The following CAPN5 variants were observed in gnomAD, a reference collection of about 807,000 sequenced individuals.
The protein encoded by CAPN5 is calpain-5.
CAPN5 carries 54 observed loss-of-function variants against 73.0 expected under a neutral mutation model. The observed-to-expected ratio is 0.74, with a 90% CI of 0.59 to 0.93. CAPN5 has a LOEUF of 0.93. Among genes scored for constraint, CAPN5 ranks in the 40% least tolerant of loss-of-function variants. The pLI is 0.00. For missense variants in CAPN5, 785 were observed against 882.9 expected (o/e 0.89, Z 1.41); for synonymous variants, 335 against 356.9 (o/e 0.94, Z 0.69).
Position 77,123,930 on chromosome 11 carries a change from C to T in CAPN5, c.*60C>T, listed in dbSNP as rs1205368041. ...CCACCATCTGCATGTCCCCACTGGG[C>T]CTGAGTCTAGCCTGGGAGCCAGGAT... is the stretch of plus-strand genomic sequence containing the variant. On this transcript the variant is annotated 3_prime_UTR_variant, in exon 13 of 13. Transcript: ENST00000648180. 1 of 1,524,908 alleles carries T rather than the reference C, an allele frequency of 6.6e-7. No individual in the cohort carries two copies. Among genetic ancestry groups the T allele is most frequent in the South Asian group, 1.2e-5 (1 of 83,940 alleles). 94.5% of individuals were successfully genotyped at this position (1,524,908 alleles called of 1,614,324 possible).
intron 10 of CAPN5, among the ~76,000 whole-genome samples, chr11:77,121,458 G>A (rs377727493): frequency 6.6e-6 from 1 of 152,274 alleles, no homozygotes; most frequent in East Asian, 1.9e-4. Flanking sequence ...CTGAAGGACA[G>A]GTGAGCTCTG....
chr11:77,096,527 C>T (rs1211615031), intron 3 of CAPN5, among the ~76,000 whole-genome samples: 3 of 152,226 alleles, frequency 2.0e-5, no homozygotes, highest in Admixed American at 1.3e-4. Flanking sequence ...GGCCTCCTGC[C>T]CTGCTCCTAC....
chr11:77,081,110 C>A (rs1440233835), intron 1 of CAPN5, among the ~76,000 whole-genome samples: 2 of 152,198 alleles, frequency 1.3e-5, no homozygotes, highest in Admixed American at 6.5e-5. Flanking sequence ...TAGATGGGAA[C>A]ATCAATGAGC....
rs1555043717 is a variant in CAPN5 at position 77,125,503 on chromosome 11, C to G, written c.*1633C>G. ...TAAACCTCCTGTGCCTCGATTTCCCCCTTCTACAAAGTGGGGCCAATGATT... is the reference window on the plus strand; with the variant it reads ...TAAACCTCCTGTGCCTCGATTTCCCGCTTCTACAAAGTGGGGCCAATGATT... On this transcript the variant is annotated 3_prime_UTR_variant, in exon 13 of 13. Coordinates refer to ENST00000648180, the MANE Select transcript of CAPN5 (RefSeq NM_004055.5). The G allele has an allele frequency of 6.6e-6, 1 of 152,186 alleles. No homozygotes were observed. The highest frequency in any genetic ancestry group is 2.4e-5 in the African/African-American group (1 of 41,398). The allele number at this position is 152,186 out of a possible 1,614,324, so 9.4% of individuals were successfully genotyped here.
Position 77,073,445 on chromosome 11 carries a change from C to T in CAPN5, c.-36+6351C>T, listed in dbSNP as rs575679182. On this transcript the variant is annotated intron_variant, in intron 1 of 12. Coordinates refer to ENST00000648180, the MANE Select transcript of CAPN5 (RefSeq NM_004055.5). ...TCCCTCCTGCTCACAGCACCCTGGG[C>T]GGGACCCAATTGCCAGATGAAGAAC... 9.8e-5 allele frequency among the ~76,000 whole-genome samples: 15 copies of T among 152,312 alleles called. No individual in the cohort carries two copies. The East Asian group carries it at 2.1e-3, about 22-fold the overall frequency.
intron 3 of CAPN5, among the ~76,000 whole-genome samples, chr11:77,107,691 G>C (rs78972769): frequency 6.6e-6 from 1 of 152,204 alleles, no homozygotes; most frequent in East Asian, 1.9e-4. Flanking sequence ...GTGGGTGGCC[G>C]TTGGTGGATC....
chr11:77,096,875 T>C (rs1555037538), intron 3 of CAPN5, among the ~76,000 whole-genome samples: 1 of 152,086 alleles, frequency 6.6e-6, no homozygotes, highest in African/African-American at 2.4e-5. Flanking sequence ...GGAGGGAGTG[T>C]TGGGGTGAGC....
rs782170160 is a variant in CAPN5 at position 77,123,676 on chromosome 11, G to C, written c.1741-12G>C. 3 of 1,610,436 alleles carry C rather than the reference G, an allele frequency of 1.9e-6. No homozygotes were observed. The highest frequency in any genetic ancestry group is 1.3e-5 in the African/African-American group (1 of 74,804). Reference sequence around the variant, plus strand: ...TAGCCCGCCCCTCCCATGATCCTCTGTCTCTTCCCAGGTCTGGAACCACCG... The same window carrying C: ...TAGCCCGCCCCTCCCATGATCCTCTCTCTCTTCCCAGGTCTGGAACCACCG... On this transcript the variant is annotated splice_polypyrimidine_tract_variant and intron_variant, in intron 12 of 12. Coordinates refer to ENST00000648180, the MANE Select transcript of CAPN5 (RefSeq NM_004055.5).
rs1393483025 is a variant in CAPN5 at position 77,101,534 on chromosome 11, G to A, written c.297+7721G>A. Among the ~76,000 whole-genome samples, 3 of 152,176 alleles carry A rather than the reference G, an allele frequency of 2.0e-5. No individual in the cohort carries two copies. In the East Asian group the frequency reaches 5.8e-4, roughly 29 times the overall value. On this transcript the variant is annotated intron_variant, in intron 3 of 12. Transcript: ENST00000648180. Reference sequence around the variant, plus strand: ...CAGAACTGACCCCAGGGCTTGCAGTGTGGTTTTAACAGGACCGGGTATTCT... The same window carrying A: ...CAGAACTGACCCCAGGGCTTGCAGTATGGTTTTAACAGGACCGGGTATTCT...
intron 6 of CAPN5, 100 bp from the exon 7 acceptor site, chr11:77,116,126 G>A (rs1319285073): frequency 1.0e-5 from 11 of 1,101,780 alleles, no homozygotes; most frequent in Non-Finnish European, 1.5e-5. Context: ...GAGGCCTGGT[G>A]CAAGACTGCC....
intron 1 of CAPN5, among the ~76,000 whole-genome samples, chr11:77,067,835 C>T (rs563451835): frequency 2.0e-5 from 3 of 152,114 alleles, no homozygotes; most frequent in African/African-American, 7.2e-5. Context: ...TTCTCTCTCC[C>T]AGTCATTTCA....
chr11:77,091,124 C>T (rs1319289380), intron 2 of CAPN5, among the ~76,000 whole-genome samples: 1 of 152,190 alleles, frequency 6.6e-6, no homozygotes, highest in Non-Finnish European at 1.5e-5. Context: ...TCTGGTTCTT[C>T]CGGGCAGAGG....
intron 8 of CAPN5, 22 bp from the exon 9 acceptor site, chr11:77,119,008 C>T (rs1555042227): frequency 8.7e-6 from 14 of 1,600,570 alleles, no homozygotes; most frequent in Non-Finnish European, 1.2e-5. Context: ...GTGTCTCTCT[C>T]TCTCCTTGGC....
intron 1 of CAPN5, among the ~76,000 whole-genome samples, chr11:77,082,164 G>C (rs1950034363): frequency 6.6e-6 from 1 of 152,088 alleles, no homozygotes; most frequent in African/African-American, 2.4e-5. Context: ...CAGAGGCCCT[G>C]AGGGAACAGT....
Position 77,122,055 on chromosome 11 carries a change from C to T in CAPN5, c.1603+6C>T. 2.6e-6 allele frequency: 4 copies of T among 1,524,178 alleles called. No homozygotes were observed. The highest frequency in any genetic ancestry group is 3.5e-6 in the Non-Finnish European group (4 of 1,127,658). 94.4% of individuals were successfully genotyped at this position (1,524,178 alleles called of 1,614,324 possible). ...CCTCAAGGACTCCCCAACAGGTGAG[C>T]TCTCCCAGGGAGAGTCCCCCGGCCC... On this transcript the variant is annotated splice_donor_region_variant and intron_variant, in intron 11 of 12. Coordinates refer to ENST00000648180, the MANE Select transcript of CAPN5 (RefSeq NM_004055.5).
At chr11:77,069,297 T>C (rs973948975) in intron 1 of CAPN5, among the ~76,000 whole-genome samples, 1 of 152,176 alleles carries the variant, frequency 6.6e-6, no homozygotes, top group Admixed American at 6.5e-5. Flanking sequence ...TCTAAGTACA[T>C]GGTGTCTGGT....
At chr11:77,067,948 C>G (rs1308096283) in intron 1 of CAPN5, among the ~76,000 whole-genome samples, 1 of 151,986 alleles carries the variant, frequency 6.6e-6, no homozygotes, top group African/African-American at 2.4e-5. Context: ...AATTTGAACC[C>G]GGGTCCGCCT....
intron 12 of CAPN5, among the ~76,000 whole-genome samples, chr11:77,122,914 T>G (rs1950537858): frequency 6.6e-6 from 1 of 152,192 alleles, no homozygotes; most frequent in Non-Finnish European, 1.5e-5. Context: ...TGAATTGGAT[T>G]AGTTGGTGTG....
intron 3 of CAPN5, among the ~76,000 whole-genome samples, chr11:77,107,039 C>T (rs955040148): frequency 2.0e-5 from 3 of 152,190 alleles, no homozygotes; most frequent in African/African-American, 4.8e-5. Flanking sequence ...CGGTCTCAGC[C>T]ACCCCATGAA....
Sources: allele counts gnomAD v4.1 joint callset (sites outside exome capture counted in the v4.1 genomes callset), GRCh38; gene constraint gnomAD v4.1.1; transcripts MANE v1.5; gene names NCBI Gene and HGNC (gene_info 2026-07-23, HGNC 2026-07-21).